Variants in FOXP1 observed in about 807,000 individuals in gnomAD.
The protein encoded by FOXP1 is forkhead box protein P1.
A neutral mutation model predicts 98.2 loss-of-function variants in FOXP1; 15 were observed. The ratio of observed to expected loss-of-function variants is 0.15; its 90% CI spans 0.10 to 0.24. FOXP1 has a LOEUF of 0.24. FOXP1 is among the 10% of genes least tolerant of loss of function. The probability of loss-of-function intolerance (pLI) is 1.00; values close to 1 mark genes in which losing one functional copy is unlikely to be tolerated. For synonymous variants in FOXP1, 371 were observed against 314.5 expected, an observed-to-expected ratio of 1.18 and a Z score of -1.90; for missense variants, 633 against 848.5, an observed-to-expected ratio of 0.75 and a Z score of 3.15.
intron 4 of FOXP1, among the ~76,000 whole-genome samples, chr3:71,315,079 TAAAAAAAAAAAAAA>T (rs11355298): frequency 1.7e-4 from 12 of 70,688 alleles, no homozygotes; most frequent in Admixed American, 1.6e-3. Context: ...CTGGTCCATG[TAAAAAAAAAAAAAA>T]AAAAAAAAAA....
chr3:71,160,175 G>A (rs776874215), intron 6 of FOXP1, among the ~76,000 whole-genome samples: 2 of 152,054 alleles, frequency 1.3e-5, no homozygotes, highest in Admixed American at 1.3e-4. Context: ...TGACACTGCC[G>A]TGTATGTATT....
chr3:71,180,388 G>A lies in FOXP1; in HGVS notation c.180+17814C>T, dbSNP rs142364164. 1.5e-3 allele frequency among the ~76,000 whole-genome samples: 233 copies of A among 151,918 alleles called. 1 individual carries two copies. In the Middle Eastern group the frequency reaches 0.02, roughly 13 times the overall value. On this transcript the variant is annotated intron_variant, in intron 6 of 20. Coordinates refer to ENST00000649528, the MANE Select transcript of FOXP1 (RefSeq NM_001349338.3). ...AATCCCATGGAAAATATAGAAAGACGGCAGCAAGGAACATTGAGACATGAA... is the reference window on the plus strand; with the variant it reads ...AATCCCATGGAAAATATAGAAAGACAGCAGCAAGGAACATTGAGACATGAA...
chr3:71,348,916 G>A (rs1284035253), intron 4 of FOXP1, among the ~76,000 whole-genome samples: 1 of 152,126 alleles, frequency 6.6e-6, no homozygotes, highest in East Asian at 1.9e-4. Flanking sequence ...TGAACCATTA[G>A]ACAAGAGACC....
chr3:71,388,519 C>G (rs1375009267), intron 3 of FOXP1, among the ~76,000 whole-genome samples: 2 of 152,044 alleles, frequency 1.3e-5, no homozygotes, highest in Non-Finnish European at 2.9e-5. Context: ...ACAAATTTTC[C>G]TTTTATCTGA....
chr3:71,537,472 C>A (rs1578074537), intron 2 of FOXP1, among the ~76,000 whole-genome samples: 1 of 152,294 alleles, frequency 6.6e-6, no homozygotes, highest in Admixed American at 6.5e-5. Flanking sequence ...ATGAATGGCA[C>A]CAGGCAGGCG....
chr3:71,558,457 G>T (rs945116482), intron 2 of FOXP1, among the ~76,000 whole-genome samples: 1 of 152,068 alleles, frequency 6.6e-6, no homozygotes, highest in African/African-American at 2.4e-5. Context: ...GAGGAAGGAA[G>T]ATTCTCGTTC....
chr3:71,311,852 C>T (rs1476473588), intron 4 of FOXP1, among the ~76,000 whole-genome samples: 1 of 152,134 alleles, frequency 6.6e-6, no homozygotes, highest in East Asian at 1.9e-4. Flanking sequence ...GGCACCTTTC[C>T]ATCCCATTTC....
intron 2 of FOXP1, among the ~76,000 whole-genome samples, chr3:71,532,926 C>G (rs954810255): frequency 6.6e-6 from 1 of 152,148 alleles, no homozygotes; most frequent in Non-Finnish European, 1.5e-5. Context: ...CACACTTCAT[C>G]CTTGAAGGAA....
At position 71,266,845 on chromosome 3, in the gene FOXP1, A is replaced by T. The variant is rs147743769; in HGVS notation, c.-12+32975T>A. ...GTACTTGATTTTCTGTTTCTGAGTT[A>T]TTTCACTTACGATAATGGCCGCCAG... On this transcript the variant is annotated intron_variant, in intron 5 of 20. Transcript: ENST00000649528. Among the ~76,000 whole-genome samples the T allele has an allele frequency of 4.4e-3, 671 of 152,256 alleles. 3 individuals carry two copies. The highest frequency in any genetic ancestry group is 0.015 in the African/African-American group (642 of 41,526).
intron 4 of FOXP1, among the ~76,000 whole-genome samples, chr3:71,307,100 A>G (rs1396713130): frequency 6.6e-6 from 1 of 152,224 alleles, no homozygotes; most frequent in Non-Finnish European, 1.5e-5. Context: ...TGATTGAAAC[A>G]TAAATAAGAT....
chr3:71,416,547 A>AACACAC lies in FOXP1; in HGVS notation c.-167-57309_-167-57304dup, dbSNP rs55710900. On this transcript the variant is annotated intron_variant, in intron 3 of 20. Coordinates refer to ENST00000649528, the MANE Select transcript of FOXP1 (RefSeq NM_001349338.3). ...GCCACAGAACAAAACTCTGTCTCAA[A>AACACAC]ACACACACACACACACACACACACA... Among the ~76,000 whole-genome samples, 354 of 136,834 alleles carry AACACAC rather than the reference A, an allele frequency of 2.6e-3. 4 individuals are homozygous for AACACAC. Among genetic ancestry groups the AACACAC allele is most frequent in the East Asian group, 0.018 (76 of 4,170 alleles). 89.8% of individuals were successfully genotyped at this position (136,834 alleles called of 152,430 possible).
intron 19 of FOXP1, chr3:70,969,833 G>A (rs2035814038): frequency 1.3e-5 from 2 of 152,108 alleles, no homozygotes; most frequent in South Asian, 4.1e-4. Context: ...ACAAATGTCA[G>A]ATTTATCTAT....
intron 2 of FOXP1, among the ~76,000 whole-genome samples, chr3:71,538,162 T>C (rs2044460146): frequency 6.6e-6 from 1 of 152,256 alleles, no homozygotes. Flanking sequence ...TCGTGAAATC[T>C]TTTTATTAAG....
chr3:71,404,787 C>G (rs562539785), intron 3 of FOXP1, among the ~76,000 whole-genome samples: 1 of 152,228 alleles, frequency 6.6e-6, no homozygotes, highest in South Asian at 2.1e-4. Context: ...CACAGAGAAG[C>G]CCCATAGGCC....
At chr3:71,475,755 T>A (rs1212492118) in intron 3 of FOXP1, among the ~76,000 whole-genome samples, 2 of 152,028 alleles carry the variant, frequency 1.3e-5, no homozygotes, top group African/African-American at 4.8e-5. Context: ...AGTAGGAGAA[T>A]CGATTGAACC....
chr3:70,980,088 C>T (rs2038552954), intron 14 of FOXP1, among the ~76,000 whole-genome samples: 2 of 152,030 alleles, frequency 1.3e-5, no homozygotes, highest in Non-Finnish European at 2.9e-5. Flanking sequence ...GGGTTTTTCT[C>T]TATAATGTTG....
At chr3:71,199,212 C>T (rs2063501229) in intron 5 of FOXP1, among the ~76,000 whole-genome samples, 1 of 151,186 alleles carries the variant, frequency 6.6e-6, no homozygotes, top group Admixed American at 6.6e-5. Context: ...TCAAGCAATT[C>T]TCCTGCTTCA....
intron 11 of FOXP1, among the ~76,000 whole-genome samples, chr3:71,039,949 G>A (rs887269423): frequency 2.3e-4 from 35 of 152,122 alleles, no homozygotes; most frequent in African/African-American, 8.0e-4. Context: ...CATGCTTAAT[G>A]CATCTTTTAG....
intron 2 of FOXP1, among the ~76,000 whole-genome samples, chr3:71,561,254 C>T (rs2046512202): frequency 6.6e-6 from 1 of 152,014 alleles, no homozygotes; most frequent in African/African-American, 2.4e-5. Flanking sequence ...CGGGATTTCA[C>T]CTTGTTGGCC....
Sources: gnomAD v4.1 joint callset for allele counts (sites outside exome capture counted in the v4.1 genomes callset) on GRCh38, gnomAD v4.1.1 for gene constraint, MANE v1.5 for transcripts, NCBI Gene and HGNC (gene_info 2026-07-23, HGNC 2026-07-21) for gene names.